Variants in DPP6 observed in about 807,000 individuals in gnomAD.
DPP6 encodes A-type potassium channel modulatory protein DPP6.
A neutral mutation model predicts 122.6 loss-of-function variants in DPP6; 69 were observed. That is an observed-to-expected ratio of 0.56 (90% CI 0.46 to 0.69). The LOEUF is 0.69. Among genes scored for constraint, DPP6 ranks in the 30% least tolerant of loss-of-function variants. The probability of loss-of-function intolerance (pLI) is 0.00; values close to 1 mark genes in which losing one functional copy is unlikely to be tolerated. For synonymous variants in DPP6, 418 were observed against 433.1 expected (o/e 0.97, Z 0.43); for missense variants, 928 against 1,116.9 (o/e 0.83, Z 2.41).
rs900810168 is a variant in DPP6, at chr7:154,602,550, G to A, written c.628-35271G>A. On this transcript the variant is annotated intron_variant, in intron 5 of 25. Coordinates refer to ENST00000377770, the MANE Select transcript of DPP6 (RefSeq NM_130797.4). ...CTCCCGCCTCAGCCTCCCATTTCTC[G>A]AGTAGCTGGGATTATAGGCACCCAC... Among the ~76,000 whole-genome samples, 5 of 115,600 alleles carry A rather than the reference G, an allele frequency of 4.3e-5. 1 individual carries two copies. In the South Asian group the frequency reaches 1.1e-3, roughly 26 times the overall value. 75.8% of individuals were successfully genotyped at this position (115,600 alleles called of 152,430 possible). A position where few individuals can be genotyped will look rare whatever the true frequency, so the allele number is the denominator to read the frequency against.
chr7:153,911,202 C>T (rs1350450859), intron 1 of DPP6, among the ~76,000 whole-genome samples: 6 of 152,178 alleles, frequency 3.9e-5, no homozygotes, highest in African/African-American at 1.4e-4. Flanking sequence ...CCTGCTTCTC[C>T]TTCCCTGAAA....
Position 154,892,791 on chromosome 7 carries a change from C to T in DPP6, c.*311C>T, listed in dbSNP as rs570302866. On this transcript the variant is annotated 3_prime_UTR_variant, in exon 26 of 26. Transcript: ENST00000377770. Reference sequence around the variant, plus strand: ...GAGCAAAGGATGGTGGCCGCAGGCCCCACGCGAGCCCACAGGACACCGGCC... The same window carrying T: ...GAGCAAAGGATGGTGGCCGCAGGCCTCACGCGAGCCCACAGGACACCGGCC... 2 of 590,516 alleles carry T rather than the reference C, an allele frequency of 3.4e-6. No homozygotes were observed. The highest frequency in any genetic ancestry group is 1.8e-5 in the African/African-American group (1 of 54,624). The allele number at this position is 590,516 out of a possible 1,614,324, so 36.6% of individuals were successfully genotyped here.
intron 1 of DPP6, among the ~76,000 whole-genome samples, chr7:154,230,413 G>T (rs1293525742): frequency 6.6e-6 from 1 of 152,166 alleles, no homozygotes; most frequent in Non-Finnish European, 1.5e-5. Context: ...TCCCCCTGTT[G>T]CTGTGACTTC....
At chr7:153,797,932 TC>T in the DPP6 span, among the ~76,000 whole-genome samples, 9 of 152,032 alleles carry the variant, frequency 5.9e-5, no homozygotes, top group Non-Finnish European at 1.3e-4. Flanking sequence ...AGCTCCGCCT[TC>T]TGGGTTCACG....
chr7:154,858,579 G>C (rs1803035240), intron 17 of DPP6: 1 of 152,580 alleles, frequency 6.6e-6, no homozygotes, highest in African/African-American at 2.4e-5. Flanking sequence ...ATCCGAGCCA[G>C]CTCTGGGGTG....
intron 1 of DPP6, among the ~76,000 whole-genome samples, chr7:153,956,367 G>T (rs1435053521): frequency 1.3e-5 from 2 of 152,138 alleles, no homozygotes; most frequent in African/African-American, 4.8e-5. Flanking sequence ...GAAAGAATTG[G>T]CAGTGTTTGC....
At chr7:153,984,229 T>G (rs1414158346) in intron 1 of DPP6, among the ~76,000 whole-genome samples, 4 of 152,190 alleles carry the variant, frequency 2.6e-5, no homozygotes, top group African/African-American at 7.2e-5. Flanking sequence ...TATTTCTCCT[T>G]ATGTCTGTGA....
Position 154,827,427 on chromosome 7 carries a change from C to T in DPP6, c.1666+20315C>T, listed in dbSNP as rs560289944. On this transcript the variant is annotated intron_variant, in intron 16 of 25. Coordinates refer to ENST00000377770, the MANE Select transcript of DPP6 (RefSeq NM_130797.4). ...GGGCATCTGCACAGAGAAGTAGCCC[C>T]GCATGGGCTGCCTGAGCTCAAGCCA... 9.9e-4 allele frequency among the ~76,000 whole-genome samples: 151 copies of T among 152,130 alleles called. 2 individuals carry two copies. Among genetic ancestry groups the T allele is most frequent in the African/African-American group, 3.5e-3 (147 of 41,494 alleles).
chr7:154,158,801 G>GC (rs1796825042), intron 1 of DPP6, among the ~76,000 whole-genome samples: 1 of 152,002 alleles, frequency 6.6e-6, no homozygotes, highest in Admixed American at 6.6e-5. Context: ...TTTCTCTGGA[G>GC]CCCCCTCATT....
the DPP6 span, among the ~76,000 whole-genome samples, chr7:153,776,816 C>T: frequency 6.6e-6 from 1 of 152,112 alleles, no homozygotes; most frequent in African/African-American, 2.4e-5. Flanking sequence ...ATGAAAATTT[C>T]TTTAAAAAAT....
chr7:154,502,901 A>G (rs1336791558), intron 3 of DPP6, among the ~76,000 whole-genome samples: 1 of 152,224 alleles, frequency 6.6e-6, no homozygotes, highest in African/African-American at 2.4e-5. Flanking sequence ...AGAGTCTTTT[A>G]AAGACTCTAG....
intron 7 of DPP6, among the ~76,000 whole-genome samples, chr7:154,680,687 T>TATATATA (rs1491477801): frequency 2.3e-3 from 46 of 20,412 alleles, no homozygotes; most frequent in African/African-American, 3.3e-3. Context: ...TATATATATA[T>TATATATA]TTTTTTTAAA....
chr7:154,468,675 T>G (rs1821999009), intron 2 of DPP6, among the ~76,000 whole-genome samples: 1 of 152,228 alleles, frequency 6.6e-6, no homozygotes. Context: ...ATACCTTTGA[T>G]GTATTTGATT....
chr7:154,889,638 C>T lies in DPP6; in HGVS notation c.2451+108C>T, dbSNP rs1310812777. 6 of 1,503,222 alleles carry T rather than the reference C, an allele frequency of 4.0e-6. No homozygotes were observed. In the Admixed American group the frequency reaches 9.5e-5, roughly 24 times the overall value. The allele number at this position is 1,503,222 out of a possible 1,614,324, so 93.1% of individuals were successfully genotyped here. On this transcript the variant is annotated intron_variant, in intron 25 of 25. Coordinates refer to ENST00000377770, the MANE Select transcript of DPP6 (RefSeq NM_130797.4). ...TTCTACTGCAGCAGACACGCCTGTGCTGTGGTGGTCGGTGATGAGCAAGGT... is the reference window on the plus strand; with the variant it reads ...TTCTACTGCAGCAGACACGCCTGTGTTGTGGTGGTCGGTGATGAGCAAGGT...
chr7:153,812,556 T>C, the DPP6 span, among the ~76,000 whole-genome samples: 1 of 152,104 alleles, frequency 6.6e-6, no homozygotes, highest in Non-Finnish European at 1.5e-5. Context: ...ATGTAAATGC[T>C]AAGCTCTGAT....
intron 1 of DPP6, among the ~76,000 whole-genome samples, chr7:153,905,713 G>C (rs1193329211): frequency 1.3e-5 from 2 of 152,180 alleles, no homozygotes; most frequent in Non-Finnish European, 2.9e-5. Context: ...GAAGGCTGAG[G>C]AATAGAAGAT....
chr7:153,983,013 G>A (rs1796669793), intron 1 of DPP6, among the ~76,000 whole-genome samples: 1 of 152,208 alleles, frequency 6.6e-6, no homozygotes, highest in African/African-American at 2.4e-5. Flanking sequence ...CCCGTCAGGA[G>A]GTACGGGGGT....
At chr7:154,530,954 T>G (rs571518071) in intron 3 of DPP6, among the ~76,000 whole-genome samples, 1 of 152,008 alleles carries the variant, frequency 6.6e-6, no homozygotes, top group Non-Finnish European at 1.5e-5. Flanking sequence ...AGTGAGAACA[T>G]ATGGACACAT....
At position 154,086,774 on chromosome 7, in the gene DPP6, A is replaced by G. The variant is rs557866488; in HGVS notation, c.243+33711A>G. 1.8e-4 allele frequency among the ~76,000 whole-genome samples: 28 copies of G among 152,046 alleles called. No individual in the cohort carries two copies. In the East Asian group the frequency reaches 4.5e-3, roughly 24 times the overall value. ...GCTGGCATTACAGGGGCCCATCACC[A>G]CGCCCGGCTAATTTTTATATTTTTA... On this transcript the variant is annotated intron_variant, in intron 1 of 25. Transcript: ENST00000377770.
Sources: gnomAD v4.1 joint callset for allele counts (sites outside exome capture counted in the v4.1 genomes callset) on GRCh38, gnomAD v4.1.1 for gene constraint, MANE v1.5 for transcripts, NCBI Gene and HGNC (gene_info 2026-07-23, HGNC 2026-07-21) for gene names.